The following FAM83D variants were observed in gnomAD, a reference collection of about 807,000 sequenced individuals.
FAM83D encodes the protein scaffolding CK1 anchoring protein D, also known as protein FAM83D.
In FAM83D, 26 loss-of-function variants were observed where a neutral mutation model predicts 25.4. The observed-to-expected ratio is 1.02, with a 90% CI of 0.75 to 1.42. The LOEUF is 1.42. FAM83D is among the 40% of genes most tolerant of loss of function. FAM83D has a pLI of 0.00. For missense variants in FAM83D, 740 were observed against 758.1 expected, an observed-to-expected ratio of 0.98 and a Z score of 0.28; for synonymous variants, 310 against 318.5, an observed-to-expected ratio of 0.97 and a Z score of 0.28.
At chr20:38,927,050 G>T (rs1349119886) in intron 1 of FAM83D, 125 bp downstream of exon 1, 1 of 1,379,530 alleles carries the variant, frequency 7.2e-7, no homozygotes, top group African/African-American at 1.5e-5. Flanking sequence ...GCGCGCGCGG[G>T]CTAGGTGGTC....
Position 38,951,692 on chromosome 20 carries a change from G to A in FAM83D, c.930G>A (p.Lys310=). 4 of 1,614,176 alleles carry A rather than the reference G, an allele frequency of 2.5e-6. No individual in the cohort carries two copies. Among genetic ancestry groups the A allele is most frequent in the African/African-American group, 1.3e-5 (1 of 75,034 alleles). Residue 310 remains lysine (K), a synonymous_variant, in exon 4 of 4, where the codon AAG becomes AAA. Transcript: ENST00000619850. ...KLLSHFQSSN[K]FDHLTNRKPQ... is the part of the protein sequence containing the mutation. ...TGTCTCACTTCCAGAGCAGCAACAAGTTTGATCACCTCACCAACCGAAAAC... is the reference window on the plus strand; with the variant it reads ...TGTCTCACTTCCAGAGCAGCAACAAATTTGATCACCTCACCAACCGAAAAC...
chr20:38,942,701 T>A (rs527914255), intron 2 of FAM83D, among the ~76,000 whole-genome samples: 3 of 152,226 alleles, frequency 2.0e-5, no homozygotes, highest in Non-Finnish European at 2.9e-5. Flanking sequence ...TTTAAACTGA[T>A]GAGAATGTCC....
chr20:38,942,343 C>G (rs2085706627), intron 2 of FAM83D, among the ~76,000 whole-genome samples: 1 of 152,014 alleles, frequency 6.6e-6, no homozygotes, highest in Non-Finnish European at 1.5e-5. Context: ...TGGGCCCCCA[C>G]AAAAATTTAT....
chr20:38,928,888 A>G lies in FAM83D; in HGVS notation c.483+1963A>G, dbSNP rs11697385. Reference sequence around the variant, plus strand: ...AGGTGGTACATTACCTTTAAATCCAATGAGTATTGGCTGGGCACAGTGGCT... The same window carrying G: ...AGGTGGTACATTACCTTTAAATCCAGTGAGTATTGGCTGGGCACAGTGGCT... On this transcript the variant is annotated intron_variant, in intron 1 of 3. Coordinates refer to ENST00000619850, the MANE Select transcript of FAM83D (RefSeq NM_030919.3). Among the ~76,000 whole-genome samples the G allele has an allele frequency of 8.9e-3, 1,348 of 152,178 alleles. 9 individuals carry two copies. The highest frequency in any genetic ancestry group is 0.024 in the Middle Eastern group (7 of 294).
rs749126278 is a variant in FAM83D at position 38,952,493 on chromosome 20, T to C, written c.1731T>C (p.Asp577=). 3.7e-6 allele frequency: 6 copies of C among 1,613,840 alleles called. No individual in the cohort carries two copies. Among genetic ancestry groups the C allele is most frequent in the Non-Finnish European group, 5.1e-6 (6 of 1,179,908 alleles). Residue 577 remains aspartate, a synonymous_variant, in exon 4 of 4, where the codon GAT becomes GAC. Transcript: ENST00000619850. ...GAGTTAATTTGCTTGCTGTTAGAGA[T>C]GTAGCACTTTATCCTTCCTATCAGT... The part of the protein sequence containing the change: ...FSRVNLLAVR[D]VALYPSYQ
intron 2 of FAM83D, among the ~76,000 whole-genome samples, 169 bp from the exon 3 acceptor site, chr20:38,947,706 GT>G (rs1265250999): frequency 6.6e-6 from 1 of 152,218 alleles, no homozygotes; most frequent in African/African-American, 2.4e-5. Context: ...CTTGAGAACT[GT>G]CTGGCTAGTG....
In FAM83D at chr20:38,951,849, T is replaced by C. The variant is rs1447434744; in HGVS notation, c.1087T>C (p.Cys363Arg). 6.2e-7 allele frequency: 1 copy of C among 1,614,228 alleles called. No individual in the cohort carries two copies. The highest frequency in any genetic ancestry group is 2.2e-5 in the East Asian group (1 of 44,888). The change falls in exon 4 of 4, where the codon TGT becomes CGT. Residue 363 changes from cysteine to arginine, a missense_variant. This residue lies in a region of FAM83D where 375 missense variants were observed against 403.2 expected (regional missense o/e 0.93). Coordinates refer to ENST00000619850, the MANE Select transcript of FAM83D (RefSeq NM_030919.3). ...CAAGGCAGAGCGCAAGCCCCATGACTGTGAGTCCTCTACTGTTAGTGAGGA... is the reference window on the plus strand; with the variant it reads ...CAAGGCAGAGCGCAAGCCCCATGACCGTGAGTCCTCTACTGTTAGTGAGGA... ...EGKAERKPHD[C>R]ESSTVSEEDY...
In FAM83D at chr20:38,951,624, C is replaced by G. The variant is rs200522936; in HGVS notation, c.862C>G (p.Arg288Gly). 17 of 1,614,148 alleles carry G rather than the reference C, an allele frequency of 1.1e-5. No individual in the cohort carries two copies. Among genetic ancestry groups the G allele is most frequent in the Non-Finnish European group, 1.4e-5 (17 of 1,180,016 alleles). ...QVVEHFDLEF[R>G]ILYAQSKPIS... is the part of the protein sequence containing the mutation. ...GGTTGAACACTTTGATCTGGAGTTC[C>G]GAATCCTGTATGCCCAGTCCAAGCC... is the stretch of plus-strand genomic sequence containing the variant. The change falls in exon 4 of 4, where the codon CGA becomes GGA. Residue 288 changes from arginine (R) to glycine (G), a missense_variant. Around this residue, in one of 3 missense-constraint regions of FAM83D, gnomAD observed 375 missense variants for 403.2 expected, o/e 0.93. Transcript: ENST00000619850.
intron 3 of FAM83D, among the ~76,000 whole-genome samples, chr20:38,948,843 T>G (rs1038542592): frequency 3.3e-5 from 5 of 152,352 alleles, no homozygotes; most frequent in Admixed American, 1.3e-4. Flanking sequence ...CTTGACACCT[T>G]TCTTTTTCAA....
chr20:38,932,948 A>G (rs1010643823), intron 1 of FAM83D, among the ~76,000 whole-genome samples: 1 of 152,190 alleles, frequency 6.6e-6, no homozygotes, highest in Non-Finnish European at 1.5e-5. Flanking sequence ...CAGGAGGAGT[A>G]GCAGCTTAGG....
rs1197184149 is a variant in FAM83D, at chr20:38,926,770, C to A, written c.328C>A (p.Pro110Thr). The A allele has an allele frequency of 6.5e-7, 1 of 1,547,540 alleles. No homozygotes were observed. The highest frequency in any genetic ancestry group is 1.9e-5 in the Admixed American group (1 of 52,724). Residue 110 changes from proline to threonine, a missense_variant, in exon 1 of 4, where the codon CCA becomes ACA. Pro to Thr is a conservative substitution (Grantham distance 38). Transcript: ENST00000619850. The part of the protein sequence containing the change: ...TYFPEQSDLE[P>T]PLLELGWPAF... Reference sequence around the variant, plus strand: ...CTTCCCCGAGCAGTCGGACCTGGAGCCACCGCTGTTGGAGCTTGGCTGGCC... The same window carrying A: ...CTTCCCCGAGCAGTCGGACCTGGAGACACCGCTGTTGGAGCTTGGCTGGCC...
At position 38,926,505 on chromosome 20, in the gene FAM83D, G is replaced by A. The variant is rs551264776; in HGVS notation, c.63G>A (p.Pro21=). 1.7e-4 allele frequency: 275 copies of A among 1,595,724 alleles called. 2 individuals carry two copies. In the East Asian group the frequency reaches 5.4e-3, roughly 31 times the overall value. ...VPAACLSPCG[P]PNPTELFSES... ...CCGCCTGCCTGTCGCCGTGCGGGCC[G>A]CCCAACCCGACCGAGCTGTTCAGCG... is the stretch of plus-strand genomic sequence containing the variant. Residue 21 remains proline, a synonymous_variant, in exon 1 of 4, where the codon CCG becomes CCA. Transcript: ENST00000619850.
chr20:38,934,018 CTAA>C (rs1231639432), intron 1 of FAM83D, among the ~76,000 whole-genome samples: 1 of 152,102 alleles, frequency 6.6e-6, no homozygotes, highest in African/African-American at 2.4e-5. Flanking sequence ...CCACGCCCGG[CTAA>C]TTTTTTTGTA....
chr20:38,927,567 C>T (rs1168114302), intron 1 of FAM83D, among the ~76,000 whole-genome samples: 1 of 133,832 alleles, frequency 7.5e-6, no homozygotes, highest in African/African-American at 2.8e-5. Flanking sequence ...GGTGGGATCT[C>T]AGTTCACTGC....
At chr20:38,948,674 A>G (rs966985982) in intron 3 of FAM83D, among the ~76,000 whole-genome samples, 1 of 152,220 alleles carries the variant, frequency 6.6e-6, no homozygotes, top group Non-Finnish European at 1.5e-5. Context: ...TCTGCGGTAG[A>G]TTGTCTGATG....
intron 2 of FAM83D, among the ~76,000 whole-genome samples, chr20:38,946,197 C>CAA (rs56740383): frequency 7.5e-3 from 579 of 77,594 alleles, no homozygotes; most frequent in Non-Finnish European, 0.01. Flanking sequence ...GACTCCACCT[C>CAA]AAAAAAAAAA....
Position 38,926,588 on chromosome 20 carries a change from C to T in FAM83D, c.146C>T (p.Ala49Val), listed in dbSNP as rs755815110. The change falls in exon 1 of 4, where the codon GCC becomes GTC. Residue 49 changes from alanine (A) to valine (V), a missense_variant. Coordinates refer to ENST00000619850, the MANE Select transcript of FAM83D (RefSeq NM_030919.3). ...LVAGGPEAFA[A>V]FLRRERLARF... ...GCGGGCGGCCCCGAAGCCTTCGCGG[C>T]CTTCCTGCGACGCGAGCGCCTGGCT... is the stretch of plus-strand genomic sequence containing the variant. 27 of 1,551,452 alleles carry T rather than the reference C, an allele frequency of 1.7e-5. No individual in the cohort carries two copies. The East Asian group carries it at 6.2e-4, about 36-fold the overall frequency.
At chr20:38,949,034 C>T (rs1342633317) in intron 3 of FAM83D, among the ~76,000 whole-genome samples, 1 of 152,134 alleles carries the variant, frequency 6.6e-6, no homozygotes, top group Non-Finnish European at 1.5e-5. Context: ...TGGACTTTTG[C>T]TGTTCTAAAA....
intron 1 of FAM83D, among the ~76,000 whole-genome samples, chr20:38,937,903 A>G (rs2085685251): frequency 6.6e-6 from 1 of 151,846 alleles, no homozygotes; most frequent in Admixed American, 6.6e-5. Flanking sequence ...GGTTGCAGTG[A>G]GCCGAGATCA....
Sources: allele counts gnomAD v4.1 joint callset (sites outside exome capture counted in the v4.1 genomes callset), GRCh38; gene constraint gnomAD v4.1.1; regional missense constraint gnomAD v4.1.1; transcripts MANE v1.5; gene names NCBI Gene and HGNC (gene_info 2026-07-23, HGNC 2026-07-21).